The following KIF6 variants were observed in gnomAD, a reference collection of about 807,000 sequenced individuals.
The protein encoded by KIF6 is kinesin-like protein KIF6.
Under a neutral mutation model 112.7 loss-of-function variants are expected in KIF6, and 106 were observed. The observed-to-expected ratio is 0.94, with a 90% CI of 0.80 to 1.11. The LOEUF (loss-of-function observed/expected upper bound fraction) is 1.11. KIF6 is among the 50% of genes least tolerant of loss of function. The pLI is 0.00. For synonymous variants in KIF6, 339 were observed against 339.9 expected, an observed-to-expected ratio of 1.00 and a Z score of 0.03; for missense variants, 929 against 964.0, an observed-to-expected ratio of 0.96 and a Z score of 0.48.
At chr6:39,500,501 T>C (rs981913941) in intron 13 of KIF6, among the ~76,000 whole-genome samples, 3 of 152,058 alleles carry the variant, frequency 2.0e-5, no homozygotes, top group Admixed American at 6.6e-5. Context: ...ATGCGTGAAA[T>C]TGGAGGCACA....
At chr6:39,453,429 A>G (rs1168416154) in intron 13 of KIF6, among the ~76,000 whole-genome samples, 1 of 152,238 alleles carries the variant, frequency 6.6e-6, no homozygotes, top group Non-Finnish European at 1.5e-5. Context: ...ATGTCACTGA[A>G]GAAGATACCA....
At chr6:39,390,057 A>G (rs1393231423) in intron 15 of KIF6, among the ~76,000 whole-genome samples, 1 of 151,324 alleles carries the variant, frequency 6.6e-6, no homozygotes, top group African/African-American at 2.4e-5. Flanking sequence ...AAAAAAGGAA[A>G]TAATTACAAA....
chr6:39,366,727 C>T (rs1386012488), intron 16 of KIF6, among the ~76,000 whole-genome samples: 4 of 151,944 alleles, frequency 2.6e-5, no homozygotes. Flanking sequence ...AGGCCAGGAG[C>T]GGTTGGGAAG....
chr6:39,721,197 A>G (rs990528421), intron 1 of KIF6, among the ~76,000 whole-genome samples: 9 of 152,194 alleles, frequency 5.9e-5, no homozygotes, highest in Non-Finnish European at 1.3e-4. Flanking sequence ...AGCATTTCTG[A>G]GCATTTACAA....
rs1770233844 is a variant in KIF6, at chr6:39,419,980, C to G, written c.1778G>C (p.Gly593Ala). 4.3e-6 allele frequency: 7 copies of G among 1,613,452 alleles called. No individual in the cohort carries two copies. Among genetic ancestry groups the G allele is most frequent in the Non-Finnish European group, 5.9e-6 (7 of 1,179,422 alleles). ...ACTTCTTGCTTCATTTATACTTTCTCCCAGGGCCTTGGCTTCAGAAAATCT... is the reference window on the plus strand; with the variant it reads ...ACTTCTTGCTTCATTTATACTTTCTGCCAGGGCCTTGGCTTCAGAAAATCT... ...KQRFSEAKAL[G>A]ESINEARSKI... is the part of the protein sequence containing the mutation. The change falls in exon 15 of 23, where the codon GGA (glycine) becomes GCA (alanine). Residue 593 changes from glycine to alanine, a missense_variant. By Grantham distance (60) the Gly-to-Ala change is moderately conservative. Coordinates refer to ENST00000287152, the MANE Select transcript of KIF6 (RefSeq NM_145027.6).
chr6:39,364,194 C>A (rs553328443), intron 16 of KIF6, among the ~76,000 whole-genome samples: 54 of 152,008 alleles, frequency 3.6e-4, no homozygotes, highest in Middle Eastern at 6.8e-3. Context: ...CAGGTTCAAG[C>A]GATTCTCCTG....
chr6:39,355,571 C>A lies in KIF6; in HGVS notation c.2180+1706G>T, dbSNP rs1404617429. Among the ~76,000 whole-genome samples the A allele has an allele frequency of 2.0e-5, 3 of 147,492 alleles. No individual in the cohort carries two copies. The East Asian group carries it at 6.3e-4, about 31-fold the overall frequency. ...CTCCACCTCTTGGGTTCCAGCGATTCTCCTGCCTCAGCCTCCCGAGTGGCT... is the reference window on the plus strand; with the variant it reads ...CTCCACCTCTTGGGTTCCAGCGATTATCCTGCCTCAGCCTCCCGAGTGGCT... On this transcript the variant is annotated intron_variant, in intron 19 of 22. Coordinates refer to ENST00000287152, the MANE Select transcript of KIF6 (RefSeq NM_145027.6).
chr6:39,415,929 TTC>T (rs1447404558), intron 15 of KIF6, among the ~76,000 whole-genome samples: 1 of 152,256 alleles, frequency 6.6e-6, no homozygotes, highest in African/African-American at 2.4e-5. Context: ...GTGTTTGTTT[TTC>T]TCTTTCTTTG....
chr6:39,628,268 A>G (rs1488587727), intron 5 of KIF6, among the ~76,000 whole-genome samples: 2 of 151,460 alleles, frequency 1.3e-5, no homozygotes, highest in Non-Finnish European at 3.0e-5. Flanking sequence ...GTGTGTGTGT[A>G]TACATTTTAG....
chr6:39,676,109 C>T (rs189114989), intron 3 of KIF6, among the ~76,000 whole-genome samples: 51 of 147,174 alleles, frequency 3.5e-4, no homozygotes, highest in African/African-American at 1.3e-3. Context: ...TGGTGACAGA[C>T]ATGAATCCTC....
chr6:39,616,086 G>C (rs1783502070), intron 5 of KIF6, among the ~76,000 whole-genome samples: 2 of 152,272 alleles, frequency 1.3e-5, no homozygotes, highest in Middle Eastern at 3.4e-3. Flanking sequence ...GGAATTCTAA[G>C]CATGCTCATT....
intron 13 of KIF6, among the ~76,000 whole-genome samples, chr6:39,510,586 A>G (rs1776716630): frequency 6.6e-6 from 1 of 152,234 alleles, no homozygotes. Context: ...CAGCAACTGC[A>G]AAAACATGCC....
intron 3 of KIF6, among the ~76,000 whole-genome samples, chr6:39,698,496 G>A (rs1479795149): frequency 1.3e-5 from 2 of 152,142 alleles, no homozygotes; most frequent in South Asian, 4.1e-4. Context: ...ATACAAGTTA[G>A]TAAACATACA....
intron 13 of KIF6, among the ~76,000 whole-genome samples, chr6:39,536,477 A>C (rs1008963855): frequency 3.3e-5 from 5 of 151,778 alleles, no homozygotes; most frequent in South Asian, 4.2e-4. Flanking sequence ...GAAATGGATA[A>C]ATTCCTCGAC....
intron 16 of KIF6, among the ~76,000 whole-genome samples, chr6:39,373,884 C>T (rs995296464): frequency 3.9e-5 from 6 of 152,210 alleles, no homozygotes; most frequent in East Asian, 3.9e-4. Flanking sequence ...AAAATCCTAA[C>T]GTTCATCTGG....
At chr6:39,584,861 T>C (rs779570119) in intron 9 of KIF6, 37 bp downstream of exon 9, 1 of 1,283,822 alleles carries the variant, frequency 7.8e-7, no homozygotes. Flanking sequence ...TGATATACTT[T>C]AATATATTTT....
At chr6:39,583,226 G>A (rs1466287141) in intron 9 of KIF6, 1 of 241,266 alleles carries the variant, frequency 4.1e-6, no homozygotes, top group African/African-American at 2.2e-5. Context: ...TTTTGTCTTG[G>A]GGCTAATAAC....
At chr6:39,409,389 G>A (rs1238912988) in intron 15 of KIF6, among the ~76,000 whole-genome samples, 1 of 152,190 alleles carries the variant, frequency 6.6e-6, no homozygotes, top group African/African-American at 2.4e-5. Flanking sequence ...TGCCTGGGCT[G>A]GGCTTTTGTT....
chr6:39,502,549 C>T (rs1242908759), intron 13 of KIF6, among the ~76,000 whole-genome samples: 3 of 152,146 alleles, frequency 2.0e-5, no homozygotes, highest in Admixed American at 2.0e-4. Context: ...CATGGAATGG[C>T]AAGCAGGATA....
Sources: allele counts gnomAD v4.1 joint callset (sites outside exome capture counted in the v4.1 genomes callset), GRCh38; gene constraint gnomAD v4.1.1; transcripts MANE v1.5; gene names NCBI Gene and HGNC (gene_info 2026-07-23, HGNC 2026-07-21).